Variants in STK39 observed in about 807,000 individuals in gnomAD.
STK39 encodes the protein STE20/SPS1-related proline-alanine-rich protein kinase.
Under a neutral mutation model 77.8 loss-of-function variants are expected in STK39, and 20 were observed. That is an observed-to-expected ratio of 0.26 (90% CI 0.18 to 0.37). The LOEUF is 0.37. Among genes scored for constraint, STK39 ranks in the 10% least tolerant of loss-of-function variants. The pLI is 1.00. For synonymous variants in STK39, 246 were observed against 234.1 expected (o/e 1.05, Z -0.47); for missense variants, 479 against 656.5 (o/e 0.73, Z 2.95).
At chr2:168,151,693 C>T (rs1243736844) in intron 5 of STK39, among the ~76,000 whole-genome samples, 1 of 148,764 alleles carries the variant, frequency 6.7e-6, no homozygotes, top group Non-Finnish European at 1.5e-5. Flanking sequence ...GAGCCGAGAT[C>T]ACGCCACTGC....
At chr2:168,042,531 A>T (rs1685132713) in intron 14 of STK39, among the ~76,000 whole-genome samples, 1 of 152,010 alleles carries the variant, frequency 6.6e-6, no homozygotes, top group Non-Finnish European at 1.5e-5. Context: ...TCCTGGAAAA[A>T]CAGTAACAAC....
intron 10 of STK39, among the ~76,000 whole-genome samples, chr2:168,120,101 T>TTA (rs1687366621): frequency 6.6e-6 from 1 of 152,220 alleles, no homozygotes. Context: ...ATAGATGGTT[T>TTA]TTCCTTTTCT....
chr2:168,217,737 G>C (rs1559151164), intron 1 of STK39, among the ~76,000 whole-genome samples: 1 of 152,040 alleles, frequency 6.6e-6, no homozygotes, highest in Non-Finnish European at 1.5e-5. Context: ...AGGAAATAAT[G>C]GCAAGAAAAA....
chr2:168,128,227 T>A (rs539033532), intron 10 of STK39, among the ~76,000 whole-genome samples: 14 of 152,318 alleles, frequency 9.2e-5, no homozygotes, highest in African/African-American at 3.4e-4. Flanking sequence ...ATGTACTATA[T>A]AAGCTAATGG....
intron 1 of STK39, among the ~76,000 whole-genome samples, chr2:168,218,386 G>A (rs571364731): frequency 7.6e-4 from 116 of 152,276 alleles, no homozygotes; most frequent in Non-Finnish European, 1.1e-3. Flanking sequence ...GATCTTTTCC[G>A]CTAAGCTGAC....
intron 14 of STK39, among the ~76,000 whole-genome samples, chr2:168,051,924 C>T (rs1685406714): frequency 6.6e-6 from 1 of 152,056 alleles, no homozygotes; most frequent in Admixed American, 6.5e-5. Context: ...GGCCAGCTTC[C>T]ATCCTCTAGC....
chr2:167,977,597 G>T (rs1301048944), intron 16 of STK39, among the ~76,000 whole-genome samples: 2 of 152,010 alleles, frequency 1.3e-5, no homozygotes, highest in Non-Finnish European at 2.9e-5. Context: ...AAACAAAGGG[G>T]ATTGTTGAGT....
chr2:168,242,560 A>AT (rs1553464984), intron 1 of STK39, among the ~76,000 whole-genome samples: 78 of 44,732 alleles, frequency 1.7e-3, no homozygotes, highest in Middle Eastern at 8.6e-3. Flanking sequence ...AAAAAAAAAA[A>AT]ATATATATAT....
chr2:168,231,469 T>A (rs1690453585), intron 1 of STK39, among the ~76,000 whole-genome samples: 1 of 152,010 alleles, frequency 6.6e-6, no homozygotes, highest in Admixed American at 6.6e-5. Flanking sequence ...TGGCTACATT[T>A]CTTATTCTGA....
At chr2:168,127,520 A>AC (rs1445266416) in intron 10 of STK39, among the ~76,000 whole-genome samples, 5 of 152,240 alleles carry the variant, frequency 3.3e-5, no homozygotes, top group Admixed American at 6.5e-5. Context: ...AATTTCAAAA[A>AC]GCTCCAAAGG....
intron 1 of STK39, among the ~76,000 whole-genome samples, chr2:168,227,948 C>T (rs75682020): frequency 0.38 from 58,098 of 151,716 alleles, 11,992 homozygotes; most frequent in Non-Finnish European, 0.48. Context: ...TGAGCCACCG[C>T]GCCTGGCCAA....
At chr2:168,103,034 A>G (rs755200255) in intron 10 of STK39, among the ~76,000 whole-genome samples, 51 of 152,104 alleles carry the variant, frequency 3.4e-4, no homozygotes, top group Non-Finnish European at 6.9e-4. Context: ...TTTGTGTTCC[A>G]ATCACAGGGA....
intron 12 of STK39, among the ~76,000 whole-genome samples, chr2:168,073,429 A>T (rs983651260): frequency 1.3e-5 from 2 of 152,216 alleles, no homozygotes; most frequent in African/African-American, 4.8e-5. Flanking sequence ...ACTTTTAGTA[A>T]GAAATACTCT....
intron 10 of STK39, among the ~76,000 whole-genome samples, chr2:168,082,306 C>T (rs1686255696): frequency 6.6e-6 from 1 of 152,220 alleles, no homozygotes; most frequent in Non-Finnish European, 1.5e-5. Context: ...ATTACTCCAT[C>T]ACTCTTCTCT....
chr2:168,187,774 G>A (rs1417094591), intron 1 of STK39, among the ~76,000 whole-genome samples: 2 of 152,006 alleles, frequency 1.3e-5, no homozygotes, highest in Non-Finnish European at 2.9e-5. Context: ...GAACAATGTA[G>A]CAATAAACAT....
At chr2:168,246,523 C>T (rs1026637545) in intron 1 of STK39, among the ~76,000 whole-genome samples, 1 of 152,242 alleles carries the variant, frequency 6.6e-6, no homozygotes, top group African/African-American at 2.4e-5. Flanking sequence ...GGCCAGGGCA[C>T]CCGCTTTCCC....
chr2:168,047,700 A>T (rs1164856502), intron 14 of STK39, among the ~76,000 whole-genome samples: 3 of 152,230 alleles, frequency 2.0e-5, no homozygotes, highest in Non-Finnish European at 4.4e-5. Context: ...TTATGGGGAC[A>T]GGAGACCAAA....
rs200577696 is a variant in STK39 at position 168,012,628 on chromosome 2, A to T, written c.1498+6T>A. 6.2e-7 allele frequency: 1 copy of T among 1,612,884 alleles called. No homozygotes were observed. The highest frequency in any genetic ancestry group is 1.1e-5 in the South Asian group (1 of 90,848). ...AAATGACAGTGCATACTAAAAAACA[A>T]TTTACCTATAACTACATCGTGACCA... On this transcript the variant is annotated splice_donor_region_variant and intron_variant, in intron 16 of 17. Transcript: ENST00000355999.
At chr2:168,069,614 T>C (rs192973847) in intron 12 of STK39, among the ~76,000 whole-genome samples, 4 of 152,348 alleles carry the variant, frequency 2.6e-5, no homozygotes, top group East Asian at 1.9e-4. Flanking sequence ...TTCAGGAATT[T>C]TGAGCACACC....
Sources: allele counts gnomAD v4.1 joint callset (sites outside exome capture counted in the v4.1 genomes callset), GRCh38; gene constraint gnomAD v4.1.1; transcripts MANE v1.5; gene names NCBI Gene and HGNC (gene_info 2026-07-23, HGNC 2026-07-21).